ATRNL1: variants seen among roughly 807,000 people sequenced by gnomAD.
ATRNL1 encodes attractin-like protein 1.
A neutral mutation model predicts 182.7 loss-of-function variants in ATRNL1; 95 were observed. The observed-to-expected ratio is 0.52, with a 90% CI of 0.44 to 0.62. ATRNL1 has a LOEUF of 0.62. Ranked by LOEUF, ATRNL1 falls within the 20% of genes least tolerant of loss-of-function variation. The pLI is 0.00. For synonymous variants in ATRNL1, 576 were observed against 568.3 expected (o/e 1.01, Z -0.19); for missense variants, 1,471 against 1,679.5 (o/e 0.88, Z 2.17).
At chr10:115,636,029 T>C (rs892547031) in intron 26 of ATRNL1, among the ~76,000 whole-genome samples, 6 of 152,140 alleles carry the variant, frequency 3.9e-5, no homozygotes, top group Admixed American at 1.3e-4. Context: ...GAGGAGGGCT[T>C]TTGGAGTACT....
chr10:115,582,231 A>G (rs1325040598), intron 26 of ATRNL1, among the ~76,000 whole-genome samples: 2 of 111,346 alleles, frequency 1.8e-5, no homozygotes, highest in African/African-American at 2.9e-5. Context: ...TTATAGCAGC[A>G]TGATTTATAG....
chr10:115,694,929 ACATG>A (rs1332711416), intron 26 of ATRNL1, among the ~76,000 whole-genome samples: 11 of 108,858 alleles, frequency 1.0e-4, no homozygotes, highest in East Asian at 7.8e-4. Flanking sequence ...ACACACACAC[ACATG>A]CACACACGCA....
intron 28 of ATRNL1, among the ~76,000 whole-genome samples, chr10:115,860,444 G>T (rs1555103230): frequency 6.6e-6 from 1 of 152,096 alleles, no homozygotes; most frequent in Non-Finnish European, 1.5e-5. Context: ...ATGGAGAGAG[G>T]CTGAGTTACA....
chr10:115,127,319 A>G (rs1001014379), intron 3 of ATRNL1, among the ~76,000 whole-genome samples: 2 of 152,144 alleles, frequency 1.3e-5, no homozygotes, highest in African/African-American at 4.8e-5. Flanking sequence ...TAGCAGGACA[A>G]AAAGGAGAAA....
Position 115,698,425 on chromosome 10 carries a change from C to T in ATRNL1, c.3796-28823C>T, listed in dbSNP as rs185432115. ...ATTTTAAGATGATGAATTTTCTTAA[C>T]ATGTGGCATACTGATAGAGTTCAGT... is the stretch of plus-strand genomic sequence containing the variant. On this transcript the variant is annotated intron_variant, in intron 26 of 28. Transcript: ENST00000355044. Among the ~76,000 whole-genome samples, 533 of 152,190 alleles carry T rather than the reference C, an allele frequency of 3.5e-3. 3 individuals carry two copies. The highest frequency in any genetic ancestry group is 5.3e-3 in the Non-Finnish European group (361 of 68,016).
At chr10:115,909,531 T>C (rs544979127) in intron 28 of ATRNL1, 39 of 149,824 alleles carry the variant, frequency 2.6e-4, no homozygotes, top group African/African-American at 9.6e-4. Context: ...CCAAACCAGA[T>C]CTGCTTGCCA....
chr10:115,098,617 A>G (rs1054108197), intron 1 of ATRNL1, among the ~76,000 whole-genome samples: 13 of 151,416 alleles, frequency 8.6e-5, no homozygotes, highest in Admixed American at 8.5e-4. Flanking sequence ...GCCCGCCACT[A>G]CGCCCGGCTA....
intron 26 of ATRNL1, among the ~76,000 whole-genome samples, chr10:115,715,420 C>T (rs1947218417): frequency 6.6e-6 from 1 of 152,110 alleles, no homozygotes; most frequent in African/African-American, 2.4e-5. Context: ...TCTGTCCTAT[C>T]TTTTGATATA....
intron 26 of ATRNL1, among the ~76,000 whole-genome samples, chr10:115,654,830 T>G (rs951365996): frequency 2.0e-5 from 3 of 152,202 alleles, no homozygotes; most frequent in Non-Finnish European, 4.4e-5. Flanking sequence ...TGAATCTGGA[T>G]GGACTCTAAG....
At chr10:115,194,539 A>G (rs978649354) in intron 8 of ATRNL1, among the ~76,000 whole-genome samples, 5 of 151,556 alleles carry the variant, frequency 3.3e-5, no homozygotes, top group African/African-American at 1.2e-4. Flanking sequence ...GTTTGTTGCC[A>G]TTGGCATGGA....
At chr10:115,529,394 G>A (rs1429121736) in intron 25 of ATRNL1, among the ~76,000 whole-genome samples, 2 of 151,282 alleles carry the variant, frequency 1.3e-5, no homozygotes, top group African/African-American at 4.8e-5. Context: ...AAAATATCTG[G>A]ATATTTTGGT....
intron 19 of ATRNL1, among the ~76,000 whole-genome samples, chr10:115,346,278 C>A (rs1855971183): frequency 6.6e-6 from 1 of 152,144 alleles, no homozygotes. Flanking sequence ...CACCTCCTTC[C>A]AGACCCTAAG....
intron 17 of ATRNL1, among the ~76,000 whole-genome samples, chr10:115,305,475 G>A (rs1392987149): frequency 6.6e-6 from 1 of 152,166 alleles, no homozygotes; most frequent in African/African-American, 2.4e-5. Context: ...ACCTGATCAA[G>A]TGGGTGGCAG....
At chr10:115,664,739 A>G (rs1860901308) in intron 26 of ATRNL1, among the ~76,000 whole-genome samples, 1 of 152,106 alleles carries the variant, frequency 6.6e-6, no homozygotes, top group African/African-American at 2.4e-5. Context: ...ATAGAAAAAA[A>G]TCAATATTTT....
chr10:115,807,107 T>C, intron 27 of ATRNL1, among the ~76,000 whole-genome samples: 1 of 138,438 alleles, frequency 7.2e-6, no homozygotes, highest in Non-Finnish European at 1.5e-5. Flanking sequence ...CTCAGGTACT[T>C]TTTTTTTTTT....
intron 19 of ATRNL1, among the ~76,000 whole-genome samples, chr10:115,344,909 ATG>A (rs1305101382): frequency 1.3e-5 from 2 of 152,124 alleles, no homozygotes; most frequent in Non-Finnish European, 2.9e-5. Context: ...CTGGCCCAGT[ATG>A]TGTCTAGAAA....
At chr10:115,383,478 T>G (rs1050233081) in intron 19 of ATRNL1, among the ~76,000 whole-genome samples, 15 of 151,996 alleles carry the variant, frequency 9.9e-5, no homozygotes, top group African/African-American at 3.4e-4. Context: ...TTTGTATATG[T>G]GTATAAGACT....
At chr10:115,426,205 T>G (rs1554962853) in intron 20 of ATRNL1, 45 bp from the exon 21 acceptor site, 1 of 1,521,498 alleles carries the variant, frequency 6.6e-7, no homozygotes, top group Admixed American at 1.7e-5. Context: ...ATGAGGCTTT[T>G]GAATTGCATT....
At chr10:115,567,375 T>G (rs1255903301) in intron 26 of ATRNL1, among the ~76,000 whole-genome samples, 1 of 152,120 alleles carries the variant, frequency 6.6e-6, no homozygotes, top group Admixed American at 6.6e-5. Flanking sequence ...TGGGATAAGT[T>G]TTTCTAAATG....
Sources: allele counts gnomAD v4.1 joint callset (sites outside exome capture counted in the v4.1 genomes callset), GRCh38; gene constraint gnomAD v4.1.1; transcripts MANE v1.5; gene names NCBI Gene and HGNC (gene_info 2026-07-23, HGNC 2026-07-21).